Variants in RALYL observed in about 807,000 individuals in gnomAD.
RALYL encodes RALY RNA binding protein like, also known as RNA-binding Raly-like protein.
A neutral mutation model predicts 35.1 loss-of-function variants in RALYL; 29 were observed. The ratio of observed to expected loss-of-function variants is 0.83; its 90% CI spans 0.61 to 1.13. The LOEUF (loss-of-function observed/expected upper bound fraction) is 1.13, where lower values mean the gene tolerates loss of function less well. Among genes scored for constraint, RALYL ranks in the 50% most tolerant of loss-of-function variants. The pLI is 0.00. For missense variants in RALYL, 359 were observed against 360.4 expected, an observed-to-expected ratio of 1.00 and a Z score of 0.03; for synonymous variants, 120 against 127.6, an observed-to-expected ratio of 0.94 and a Z score of 0.40.
intron 3 of RALYL, among the ~76,000 whole-genome samples, chr8:84,782,259 G>A (rs1818364671): frequency 6.6e-6 from 1 of 152,180 alleles, no homozygotes. Context: ...CATACTTGGA[G>A]GAGATAGAAA....
chr8:84,510,505 T>G (rs1040912617), intron 1 of RALYL, among the ~76,000 whole-genome samples: 4 of 152,058 alleles, frequency 2.6e-5, no homozygotes, highest in African/African-American at 9.7e-5. Context: ...TTCACCATGC[T>G]CTGATCAAAA....
intron 2 of RALYL, among the ~76,000 whole-genome samples, chr8:84,637,143 G>A (rs951434483): frequency 3.3e-5 from 5 of 151,866 alleles, no homozygotes; most frequent in South Asian, 2.1e-4. Context: ...CTGTGAGTCC[G>A]TGATTCTAGC....
chr8:84,436,022 A>C (rs760830022), intron 1 of RALYL, among the ~76,000 whole-genome samples: 43 of 152,172 alleles, frequency 2.8e-4, no homozygotes, highest in South Asian at 2.3e-3. Flanking sequence ...GGGTGCACCA[A>C]AATCTCAGAA....
chr8:84,415,065 A>T (rs1187708117), intron 1 of RALYL, among the ~76,000 whole-genome samples: 2 of 152,094 alleles, frequency 1.3e-5, no homozygotes, highest in African/African-American at 4.8e-5. Context: ...TTAGTCTTAT[A>T]GAAAGGACAT....
intron 2 of RALYL, among the ~76,000 whole-genome samples, chr8:84,536,629 A>G (rs538932288): frequency 3.3e-5 from 5 of 152,310 alleles, no homozygotes; most frequent in South Asian, 4.1e-4. Flanking sequence ...GTCATGAAAA[A>G]TCTTGTAGAA....
intron 2 of RALYL, among the ~76,000 whole-genome samples, chr8:84,615,673 C>A (rs1183138321): frequency 3.0e-5 from 4 of 133,738 alleles, no homozygotes; most frequent in Admixed American, 1.6e-4. Flanking sequence ...TATACATGTG[C>A]CATGCTGGTG....
At chr8:84,484,570 C>T (rs1157888403) in intron 1 of RALYL, among the ~76,000 whole-genome samples, 1 of 151,940 alleles carries the variant, frequency 6.6e-6, no homozygotes, top group African/African-American at 2.4e-5. Flanking sequence ...AGTTAGGGCA[C>T]TTTCTCTCAA....
intron 1 of RALYL, among the ~76,000 whole-genome samples, chr8:84,241,341 G>T (rs1827822499): frequency 6.6e-6 from 1 of 152,022 alleles, no homozygotes. Context: ...TTTCATGTTG[G>T]AATACCTGAT....
At chr8:84,277,601 G>A (rs1451243316) in intron 1 of RALYL, among the ~76,000 whole-genome samples, 1 of 152,302 alleles carries the variant, frequency 6.6e-6, no homozygotes, top group African/African-American at 2.4e-5. Flanking sequence ...TTCTGCCTAT[G>A]AGCCTGTAAA....
intron 2 of RALYL, among the ~76,000 whole-genome samples, chr8:84,563,561 T>C (rs557222142): frequency 6.6e-6 from 1 of 151,724 alleles, no homozygotes; most frequent in African/African-American, 2.4e-5. Context: ...CTGATTAAAT[T>C]GGTAAGTTTT....
At chr8:84,858,739 A>C (rs1327899996) in intron 5 of RALYL, among the ~76,000 whole-genome samples, 1 of 152,058 alleles carries the variant, frequency 6.6e-6, no homozygotes, top group Non-Finnish European at 1.5e-5. Flanking sequence ...CCTTTCACCT[A>C]CTTCCCTCTA....
intron 8 of RALYL, among the ~76,000 whole-genome samples, chr8:84,904,392 T>C (rs142721135): frequency 2.6e-3 from 390 of 152,280 alleles, no homozygotes; most frequent in Middle Eastern, 0.02. Context: ...GAAACTAGTA[T>C]TAAAACAATG....
chr8:84,712,723 A>T (rs1317671299), intron 2 of RALYL, among the ~76,000 whole-genome samples: 1 of 152,202 alleles, frequency 6.6e-6, no homozygotes, highest in Non-Finnish European at 1.5e-5. Context: ...TTTTCTGCAG[A>T]GTATACTTTA....
chr8:84,187,189 A>G (rs1190157671), intron 1 of RALYL, among the ~76,000 whole-genome samples: 1 of 152,142 alleles, frequency 6.6e-6, no homozygotes, highest in Non-Finnish European at 1.5e-5. Flanking sequence ...CAAAGAAATA[A>G]TCACAAAATG....
chr8:84,437,643 C>T (rs1416691628), intron 1 of RALYL, among the ~76,000 whole-genome samples: 1 of 152,042 alleles, frequency 6.6e-6, no homozygotes, highest in African/African-American at 2.4e-5. Flanking sequence ...GCCCAAATCT[C>T]ATGTTGAATT....
chr8:84,214,445 A>G (rs1220523999), intron 1 of RALYL, among the ~76,000 whole-genome samples: 1 of 152,158 alleles, frequency 6.6e-6, no homozygotes, highest in Non-Finnish European at 1.5e-5. Flanking sequence ...ATTTGCATAT[A>G]TATTCATATT....
chr8:84,866,682 C>T (rs1355781721), intron 6 of RALYL, among the ~76,000 whole-genome samples: 1 of 151,760 alleles, frequency 6.6e-6, no homozygotes, highest in Non-Finnish European at 1.5e-5. Flanking sequence ...AGAACAGTGT[C>T]GGCTAATATA....
chr8:84,755,410 T>C (rs1300915293), intron 2 of RALYL, among the ~76,000 whole-genome samples: 3 of 152,188 alleles, frequency 2.0e-5, no homozygotes, highest in Non-Finnish European at 4.4e-5. Context: ...GTGTAGCAGT[T>C]ACTTTAAATC....
chr8:84,851,844 G>A (rs758858516), intron 5 of RALYL, among the ~76,000 whole-genome samples: 7 of 152,076 alleles, frequency 4.6e-5, no homozygotes, highest in African/African-American at 1.4e-4. Context: ...CTCGCTCAGC[G>A]CCCAGCACTG....
Sources: allele counts gnomAD v4.1 joint callset (sites outside exome capture counted in the v4.1 genomes callset), GRCh38; gene constraint gnomAD v4.1.1; transcripts MANE v1.5; gene names NCBI Gene and HGNC (gene_info 2026-07-23, HGNC 2026-07-21).